Variants in PIP5K1C observed in about 807,000 individuals in gnomAD.
PIP5K1C encodes the protein phosphatidylinositol 4-phosphate 5-kinase type-1 gamma.
In PIP5K1C, 45 loss-of-function variants were observed where a neutral mutation model predicts 80.1. The observed-to-expected ratio is 0.56, with a 90% CI of 0.44 to 0.72. PIP5K1C has a LOEUF of 0.72. Among genes scored for constraint, PIP5K1C ranks in the 30% least tolerant of loss-of-function variants. The pLI, the probability that PIP5K1C is intolerant of heterozygous loss-of-function variation, is 0.00. For missense variants in PIP5K1C, 753 were observed against 954.6 expected (o/e 0.79, Z 2.78); for synonymous variants, 498 against 420.1 (o/e 1.19, Z -2.27).
intron 3 of PIP5K1C, 125 bp from the exon 4 acceptor site, chr19:3,662,126 T>G: frequency 8.4e-7 from 1 of 1,186,066 alleles, no homozygotes; most frequent in Non-Finnish European, 1.2e-6. Context: ...GCCAACCCCC[T>G]CCTGGTGGTC....
In PIP5K1C at chr19:3,688,269, G is replaced by C. The variant is rs1440218955; in HGVS notation, c.94+12028C>G. On this transcript the variant is annotated intron_variant, in intron 1 of 17. Coordinates refer to ENST00000335312, the MANE Select transcript of PIP5K1C (RefSeq NM_012398.3). This position sits in a 1 kb window ranked among gnomAD's most constrained non-coding sequence, Gnocchi z 5.3. ...CAGGGGCGCAGCGTCCCTCCGGGGA[G>C]TACAGTGTCCCTGAAGGGAATTCCT... is the stretch of plus-strand genomic sequence containing the variant. Among the ~76,000 whole-genome samples the C allele has an allele frequency of 6.6e-6, 1 of 152,208 alleles. No individual in the cohort carries two copies. The highest frequency in any genetic ancestry group is 1.5e-5 in the Non-Finnish European group (1 of 68,022).
intron 17 of PIP5K1C, 29 bp downstream of exon 17, chr19:3,633,408 A>C: frequency 2.1e-6 from 3 of 1,399,436 alleles, no homozygotes; most frequent in Non-Finnish European, 2.8e-6. Context: ...AGCCCACGGG[A>C]CCGGCGGGTG....
intron 16 of PIP5K1C, chr19:3,636,893 G>A: frequency 1.0e-6 from 1 of 1,001,536 alleles, no homozygotes; most frequent in Non-Finnish European, 1.2e-6. Context: ...ACAACAGCAG[G>A]CCCTGAGGAT....
chr19:3,680,600 A>G (rs547587043), intron 1 of PIP5K1C, among the ~76,000 whole-genome samples: 1 of 152,174 alleles, frequency 6.6e-6, no homozygotes, highest in Non-Finnish European at 1.5e-5. Context: ...CCGCGCCCGG[A>G]CTGTCTAAAT....
chr19:3,685,355 G>A (rs2035724763), intron 1 of PIP5K1C, among the ~76,000 whole-genome samples: 1 of 152,190 alleles, frequency 6.6e-6, no homozygotes, highest in Non-Finnish European at 1.5e-5. Context: ...CTGATTATAT[G>A]GAACTCATAA....
chr19:3,656,177 A>G (rs566916309), intron 6 of PIP5K1C, among the ~76,000 whole-genome samples: 1 of 152,104 alleles, frequency 6.6e-6, no homozygotes, highest in African/African-American at 2.4e-5. Context: ...CTGCCCGGGG[A>G]CGGCCCCCAA....
chr19:3,690,921 G>A (rs916917782), intron 1 of PIP5K1C, among the ~76,000 whole-genome samples: 4 of 152,206 alleles, frequency 2.6e-5, no homozygotes, highest in Admixed American at 6.5e-5. Flanking sequence ...GGAGCTTGCA[G>A]GAGCTGAGGC....
intron 1 of PIP5K1C, 27 bp downstream of exon 1, chr19:3,700,270 C>T: frequency 3.3e-6 from 4 of 1,200,590 alleles, no homozygotes; most frequent in Non-Finnish European, 4.2e-6. Flanking sequence ...CCCAGCGGGC[C>T]GCAGCCCCGG....
chr19:3,657,299 G>A (rs1303515767), intron 5 of PIP5K1C, among the ~76,000 whole-genome samples: 6 of 152,174 alleles, frequency 3.9e-5, no homozygotes, highest in East Asian at 1.9e-4. Flanking sequence ...TCACTGACTC[G>A]ACAGGTGCTC....
rs1221103013 is a variant in PIP5K1C at position 3,696,620 on chromosome 19, G to A, written c.94+3677C>T. Among the ~76,000 whole-genome samples, 4 of 150,178 alleles carry A rather than the reference G, an allele frequency of 2.7e-5. No homozygotes were observed. The highest frequency in any genetic ancestry group is 9.8e-5 in the African/African-American group (4 of 40,844). On this transcript the variant is annotated intron_variant, in intron 1 of 17. Coordinates refer to ENST00000335312, the MANE Select transcript of PIP5K1C (RefSeq NM_012398.3). The surrounding 1 kb of genome is among the most constrained non-coding windows in gnomAD (Gnocchi z 4.1). The stretch of plus-strand genomic sequence containing the variant: ...GGGCATTCCGGGGTGGGGGTGGGGG[G>A]CAGCCGTGCAAAGGCCCCGGGGCAG...
intron 5 of PIP5K1C, among the ~76,000 whole-genome samples, chr19:3,660,380 G>GA (rs34093571): frequency 0.078 from 11,172 of 142,520 alleles, 468 homozygotes; most frequent in South Asian, 0.1. Flanking sequence ...ACTCTGTCTC[G>GA]AAAAAAAAAA....
intron 3 of PIP5K1C, among the ~76,000 whole-genome samples, chr19:3,663,267 T>G (rs1032055257): frequency 6.6e-6 from 1 of 152,122 alleles, no homozygotes; most frequent in African/African-American, 2.4e-5. Flanking sequence ...ATACCTCCGC[T>G]CTCTAATTCC....
At chr19:3,685,497 G>A (rs1196774865) in intron 1 of PIP5K1C, among the ~76,000 whole-genome samples, 4 of 151,854 alleles carry the variant, frequency 2.6e-5, no homozygotes, top group East Asian at 1.9e-4. Flanking sequence ...TTGGGAGGCC[G>A]AGGCGGGCGG....
chr19:3,637,538 T>C lies in PIP5K1C; in HGVS notation c.1920+1346A>G. On this transcript the variant is annotated intron_variant, in intron 16 of 17. Transcript: ENST00000335312. This position sits in a 1 kb window ranked among gnomAD's most constrained non-coding sequence, Gnocchi z 7.0. ...GGTGGCCGGCTGCGGTCACTTACAG[T>C]CCCCGAGGCGCTCAGCGTCACGGCC... The C allele has an allele frequency of 2.1e-6, 3 of 1,448,112 alleles. No individual in the cohort carries two copies. The highest frequency in any genetic ancestry group is 2.7e-6 in the Non-Finnish European group (3 of 1,097,848). 89.7% of individuals were successfully genotyped at this position (1,448,112 alleles called of 1,614,324 possible). A position where few individuals can be genotyped will look rare whatever the true frequency, so the allele number is the denominator to read the frequency against.
rs1296421749 is a variant in PIP5K1C at position 3,641,788 on chromosome 19, C to T, written c.1704G>A (p.Ala568=). The change falls in exon 15 of 18, where the codon GCG becomes GCA. Residue 568 remains alanine (A), a synonymous_variant. Transcript: ENST00000335312. The part of the protein sequence containing the change: ...QDGRPQEEPP[A]EEDLQQITVQ... The stretch of plus-strand genomic sequence containing the variant: ...CTGTAATCTGCTGCAGATCCTCTTC[C>T]GCGGGTGGCTCCTCCTGCGGCCTGC... 3.7e-6 allele frequency: 6 copies of T among 1,611,942 alleles called. No homozygotes were observed. The highest frequency in any genetic ancestry group is 3.3e-5 in the South Asian group (3 of 91,084).
intron 15 of PIP5K1C, among the ~76,000 whole-genome samples, chr19:3,639,376 T>A (rs1233216929): frequency 6.6e-6 from 1 of 152,186 alleles, no homozygotes; most frequent in African/African-American, 2.4e-5. Context: ...AGTTTCCTCA[T>A]CTGTCAAGTG....
In PIP5K1C at chr19:3,631,129, G is replaced by C. The variant is rs1375803066; in HGVS notation, c.*2038C>G. The C allele has an allele frequency of 6.6e-6, 1 of 152,318 alleles. No homozygotes were observed. Among genetic ancestry groups the C allele is most frequent in the Non-Finnish European group, 1.5e-5 (1 of 68,080 alleles). The allele number at this position is 152,318 out of a possible 1,614,324, so 9.4% of individuals were successfully genotyped here. A position where few individuals can be genotyped will look rare whatever the true frequency, so the allele number is the denominator to read the frequency against. ...GCAAAGGCGCGTCGGCCGGGCACTG[G>C]TGTCCCGTGTCACTCAGCGGAGGGA... is the stretch of plus-strand genomic sequence containing the variant. On this transcript the variant is annotated 3_prime_UTR_variant, in exon 18 of 18. Coordinates refer to ENST00000335312, the MANE Select transcript of PIP5K1C (RefSeq NM_012398.3).
At chr19:3,646,870 T>C (rs995977219) in intron 10 of PIP5K1C, among the ~76,000 whole-genome samples, 3 of 151,284 alleles carry the variant, frequency 2.0e-5, no homozygotes, top group African/African-American at 7.3e-5. Flanking sequence ...GAGTGACGGA[T>C]GGGAGGAAGG....
chr19:3,649,065 G>A (rs1235841482), intron 8 of PIP5K1C, among the ~76,000 whole-genome samples: 1 of 149,428 alleles, frequency 6.7e-6, no homozygotes, highest in East Asian at 2.0e-4. Context: ...CCGGCACCAT[G>A]CCCACACGTC....
Sources: allele counts gnomAD v4.1 joint callset (sites outside exome capture counted in the v4.1 genomes callset), GRCh38; gene constraint gnomAD v4.1.1; non-coding constraint Gnocchi (gnomAD v3.1); transcripts MANE v1.5; gene names NCBI Gene and HGNC (gene_info 2026-07-23, HGNC 2026-07-21).